Variants in SLC26A5 observed in about 807,000 individuals in gnomAD.
SLC26A5 encodes the protein prestin.
Under a neutral mutation model 81.0 loss-of-function variants are expected in SLC26A5, and 51 were observed. The ratio of observed to expected loss-of-function variants is 0.63; its 90% CI spans 0.50 to 0.80. SLC26A5 has a LOEUF of 0.80. Among genes scored for constraint, SLC26A5 ranks in the 30% least tolerant of loss-of-function variants. The pLI is 0.00. For missense variants in SLC26A5, 771 were observed against 905.8 expected (o/e 0.85, Z 1.91); for synonymous variants, 325 against 332.8 (o/e 0.98, Z 0.25).
At chr7:103,377,857 G>T in intron 17 of SLC26A5, 58 bp from the exon 18 acceptor site, 1 of 1,523,330 alleles carries the variant, frequency 6.6e-7, no homozygotes, top group Non-Finnish European at 9.1e-7. Context: ...TTCTGGTTGT[G>T]AGAAAGATTT....
intron 2 of SLC26A5, among the ~76,000 whole-genome samples, chr7:103,424,872 C>T (rs1022301128): frequency 6.6e-6 from 1 of 152,138 alleles, no homozygotes; most frequent in Non-Finnish European, 1.5e-5. Context: ...TAACCTGAAC[C>T]TACCCAGTTA....
downstream of SLC26A5, among the ~76,000 whole-genome samples, chr7:103,371,279 A>G (rs575236000): frequency 6.6e-6 from 1 of 152,332 alleles, no homozygotes; most frequent in South Asian, 2.1e-4. Context: ...GTTCAACAGA[A>G]AAGTTAAATA....
In SLC26A5 at chr7:103,367,400, T is replaced by G. The variant is rs752919773; in HGVS notation, c.2041+9408A>C. On this transcript the variant is annotated intron_variant, in intron 19 of 19. Transcript: ENST00000339444. The surrounding 1 kb of genome is among the most constrained non-coding windows in gnomAD (Gnocchi z 6.1). Reference sequence around the variant, plus strand: ...TGGACTTGAAGAGCTTATCTTTCCTTTTGTCTTCTCAGGGGCTCGTTTTGA... The same window carrying G: ...TGGACTTGAAGAGCTTATCTTTCCTGTTGTCTTCTCAGGGGCTCGTTTTGA... The G allele has an allele frequency of 1.2e-6, 2 of 1,612,818 alleles. No individual in the cohort carries two copies. Among genetic ancestry groups the G allele is most frequent in the Non-Finnish European group, 1.7e-6 (2 of 1,179,734 alleles).
At chr7:103,444,543 CT>C (rs1296554229) in intron 1 of SLC26A5, among the ~76,000 whole-genome samples, 1 of 152,256 alleles carries the variant, frequency 6.6e-6, no homozygotes, top group East Asian at 1.9e-4. Flanking sequence ...CTTCCTCAGT[CT>C]TCCATTCTTC....
At position 103,393,187 on chromosome 7, in the gene SLC26A5, G is replaced by C. The variant is rs1012195039; in HGVS notation, c.972-121C>G. 5 of 1,237,664 alleles carry C rather than the reference G, an allele frequency of 4.0e-6. No individual in the cohort carries two copies. The African/African-American group carries it at 7.6e-5, about 19-fold the overall frequency. The allele number at this position is 1,237,664 out of a possible 1,614,324, so 76.7% of individuals were successfully genotyped here. A position where few individuals can be genotyped will look rare whatever the true frequency, so the allele number is the denominator to read the frequency against. ...CTGCAAATGAAGTAATCAATGCTTG[G>C]ATACTTATTTGCTCTGGTTGGCAAA... On this transcript the variant is annotated intron_variant, in intron 9 of 19. Coordinates refer to ENST00000306312, the MANE Select transcript of SLC26A5 (RefSeq NM_198999.3).
intron 4 of SLC26A5, among the ~76,000 whole-genome samples, chr7:103,419,945 CTTGATTGG>C (rs1825209988): frequency 6.6e-6 from 1 of 151,968 alleles, no homozygotes; most frequent in African/African-American, 2.4e-5. Context: ...AATCTCATGC[CTTGATTGG>C]ATGGTTAGTG....
intron 1 of SLC26A5, among the ~76,000 whole-genome samples, chr7:103,443,553 G>C (rs7781140): frequency 0.39 from 59,097 of 152,048 alleles, 15,572 homozygotes; most frequent in African/African-American, 0.74. Flanking sequence ...AATCCTCTTA[G>C]AGCAGTTGCC....
intron 4 of SLC26A5, among the ~76,000 whole-genome samples, chr7:103,414,945 T>A (rs1824790749): frequency 6.6e-6 from 1 of 152,158 alleles, no homozygotes. Context: ...ATCAGTCTCC[T>A]CGTTCCCTCA....
chr7:103,398,138 G>T lies in SLC26A5; in HGVS notation c.889-124C>A, dbSNP rs1042459163. 1.2e-4 allele frequency: 95 copies of T among 799,326 alleles called. 1 individual carries two copies. The Admixed American group carries it at 1.8e-3, about 15-fold the overall frequency. The allele number at this position is 799,326 out of a possible 1,614,324, so 49.5% of individuals were successfully genotyped here. On this transcript the variant is annotated intron_variant, in intron 8 of 19. Transcript: ENST00000306312. ...CACTTTTAACATTCAGATTTAAAAA[G>T]AAGATTTACCATTAGCTTCAACAAT...
In SLC26A5 at chr7:103,388,258, G is replaced by C. The variant is rs916696060; in HGVS notation, c.1514+750C>G. 6.2e-5 allele frequency among the ~76,000 whole-genome samples: 9 copies of C among 146,232 alleles called. No homozygotes were observed. In the East Asian group the frequency reaches 1.8e-3, roughly 30 times the overall value. Reference sequence around the variant, plus strand: ...GTTGCCCAGGCTGGAGCGTAGTGGTGTGATCTTGGCTTACTGCAACCTCCA... The same window carrying C: ...GTTGCCCAGGCTGGAGCGTAGTGGTCTGATCTTGGCTTACTGCAACCTCCA... On this transcript the variant is annotated intron_variant, in intron 14 of 19. Transcript: ENST00000306312.
chr7:103,370,838 G>A (rs1478231678), downstream of SLC26A5, among the ~76,000 whole-genome samples: 4 of 152,204 alleles, frequency 2.6e-5, no homozygotes, highest in African/African-American at 7.2e-5. Context: ...ATTTCAGAAG[G>A]TCAAAGGACT....
intron 19 of SLC26A5, chr7:103,362,856 T>C (rs992462667): frequency 2.3e-5 from 22 of 945,398 alleles, no homozygotes; most frequent in Middle Eastern, 3.5e-4. Context: ...TAGAATGGTG[T>C]GATCTTGGCT....
At chr7:103,434,507 C>A (rs1044378031) in intron 2 of SLC26A5, among the ~76,000 whole-genome samples, 1 of 152,094 alleles carries the variant, frequency 6.6e-6, no homozygotes, top group Admixed American at 6.5e-5. Flanking sequence ...ATTTAATTGT[C>A]AATTTCTTAC....
Position 103,380,491 on chromosome 7 carries a change from C to T in SLC26A5, c.1573G>A (p.Ala525Thr), listed in dbSNP as rs1264484744. 1.9e-6 allele frequency: 3 copies of T among 1,612,834 alleles called. No homozygotes were observed. Among genetic ancestry groups the T allele is most frequent in the South Asian group, 1.1e-5 (1 of 91,062 alleles). Reference protein sequence around the residue: ...PETDVYIDIDAYEEVKEIPGI... With the variant: ...PETDVYIDIDTYEEVKEIPGI... The stretch of plus-strand genomic sequence containing the variant: ...GAAAAAGGTCCTACCTCCTCATATG[C>T]GTCTATATCAATATACACATCAGTT... Residue 525 changes from alanine to threonine, a missense_variant, in exon 15 of 20, where the codon GCA becomes ACA. Coordinates refer to ENST00000306312, the MANE Select transcript of SLC26A5 (RefSeq NM_198999.3).
At position 103,367,109 on chromosome 7, in the gene SLC26A5, C is replaced by T. The variant is rs1159939103; in HGVS notation, c.2041+9699G>A. On this transcript the variant is annotated intron_variant, in intron 19 of 19. Coordinates refer to the SLC26A5 transcript ENST00000339444. This position sits in a 1 kb window ranked among gnomAD's most constrained non-coding sequence, Gnocchi z 6.1. ...AAGGGAATAATTGTTGTCTTGTGTA[C>T]TTCATGAGTTTTTGAGAGGTCCAAA... Among the ~76,000 whole-genome samples, 1 of 152,152 alleles carries T rather than the reference C, an allele frequency of 6.6e-6. No homozygotes were observed. The highest frequency in any genetic ancestry group is 2.4e-5 in the African/African-American group (1 of 41,426).
chr7:103,437,091 A>G (rs183280787), intron 2 of SLC26A5, among the ~76,000 whole-genome samples: 24 of 152,378 alleles, frequency 1.6e-4, no homozygotes, highest in African/African-American at 5.5e-4. Context: ...CCTGATAGCA[A>G]GAAAACAAAT....
At chr7:103,422,757 T>C (rs1825444808) in intron 2 of SLC26A5, among the ~76,000 whole-genome samples, 1 of 152,180 alleles carries the variant, frequency 6.6e-6, no homozygotes, top group Non-Finnish European at 1.5e-5. Flanking sequence ...ACATTTGAAC[T>C]ATATACCTCA....
At chr7:103,362,353 A>G in intron 19 of SLC26A5, 1 of 1,355,254 alleles carries the variant, frequency 7.4e-7, no homozygotes, top group African/African-American at 1.5e-5. Context: ...TTAAGGTAAC[A>G]TGGTATAGGT....
intron 4 of SLC26A5, among the ~76,000 whole-genome samples, chr7:103,418,771 C>A (rs541566205): frequency 6.6e-6 from 1 of 152,230 alleles, no homozygotes; most frequent in South Asian, 2.1e-4. Flanking sequence ...GCCATTATCA[C>A]CTTTGCCTAC....
Sources: allele counts gnomAD v4.1 joint callset (sites outside exome capture counted in the v4.1 genomes callset), GRCh38; gene constraint gnomAD v4.1.1; non-coding constraint Gnocchi (gnomAD v3.1); transcripts MANE v1.5; gene names NCBI Gene and HGNC (gene_info 2026-07-23, HGNC 2026-07-21).